Variants in SRBD1 observed in about 807,000 individuals in gnomAD.
SRBD1 encodes the protein S1 RNA-binding domain-containing protein 1.
A neutral mutation model predicts 115.3 loss-of-function variants in SRBD1; 88 were observed. That is an observed-to-expected ratio of 0.76 (90% confidence interval 0.64 to 0.91). The LOEUF is 0.91. SRBD1 is among the 40% of genes least tolerant of loss of function. The pLI is 0.00. For missense variants in SRBD1, 1,385 were observed against 1,177.4 expected (o/e 1.18, Z -2.58); for synonymous variants, 509 against 407.7 (o/e 1.25, Z -2.99).
At chr2:45,422,988 A>C (rs892707413) in intron 16 of SRBD1, among the ~76,000 whole-genome samples, 1 of 152,210 alleles carries the variant, frequency 6.6e-6, no homozygotes, top group Non-Finnish European at 1.5e-5. Context: ...AATTGAGAGA[A>C]AATGTTGACT....
chr2:45,502,658 A>T (rs1202463936), intron 14 of SRBD1, among the ~76,000 whole-genome samples: 1 of 151,196 alleles, frequency 6.6e-6, no homozygotes, highest in African/African-American at 2.4e-5. Flanking sequence ...GGGAAGGAGA[A>T]CATCACACAC....
chr2:45,461,166 G>T (rs1382505493), intron 16 of SRBD1, among the ~76,000 whole-genome samples: 1 of 152,208 alleles, frequency 6.6e-6, no homozygotes, highest in Non-Finnish European at 1.5e-5. Flanking sequence ...TAAATGTAGG[G>T]ATCTGAAGAG....
intron 16 of SRBD1, among the ~76,000 whole-genome samples, chr2:45,461,664 C>CA (rs1669322254): frequency 6.6e-6 from 1 of 152,124 alleles, no homozygotes; most frequent in South Asian, 2.1e-4. Context: ...AACTGCCCCC[C>CA]CCAACTTTTA....
chr2:45,587,036 A>AT (rs1558496930), intron 4 of SRBD1, among the ~76,000 whole-genome samples: 1 of 77,194 alleles, frequency 1.3e-5, no homozygotes, highest in Non-Finnish European at 2.6e-5. Context: ...AATATTTAAA[A>AT]ATTTTTAAAT....
chr2:45,462,161 C>A (rs1252382203), intron 16 of SRBD1, among the ~76,000 whole-genome samples: 5 of 152,184 alleles, frequency 3.3e-5, no homozygotes, highest in Non-Finnish European at 1.5e-5. Flanking sequence ...TTTCACTGCA[C>A]TCGCAGCGAA....
chr2:45,493,182 G>T (rs987387444), intron 14 of SRBD1, among the ~76,000 whole-genome samples: 1 of 152,284 alleles, frequency 6.6e-6, no homozygotes, highest in Admixed American at 6.5e-5. Context: ...CTTCCAACTT[G>T]TCAGACTGAG....
At chr2:45,593,634 T>A (rs1344751973) in intron 4 of SRBD1, among the ~76,000 whole-genome samples, 1 of 152,202 alleles carries the variant, frequency 6.6e-6, no homozygotes, top group African/African-American at 2.4e-5. Context: ...CATCTGCATT[T>A]TAAAAGAACA....
chr2:45,467,851 T>C (rs1003184918), intron 16 of SRBD1, among the ~76,000 whole-genome samples: 1 of 152,148 alleles, frequency 6.6e-6, no homozygotes, highest in African/African-American at 2.4e-5. Flanking sequence ...CTCATCAATA[T>C]ATAGGGAAGA....
At chr2:45,603,027 A>G (rs1674148501) in intron 2 of SRBD1, among the ~76,000 whole-genome samples, 1 of 152,198 alleles carries the variant, frequency 6.6e-6, no homozygotes, top group Non-Finnish European at 1.5e-5. Flanking sequence ...ATAACATAAC[A>G]GCAGTGGAAC....
chr2:45,402,971 T>C (rs1292674420), intron 19 of SRBD1, among the ~76,000 whole-genome samples: 1 of 152,148 alleles, frequency 6.6e-6, no homozygotes, highest in Non-Finnish European at 1.5e-5. Context: ...TGGGTCTCAT[T>C]CTACTAATAT....
At chr2:45,416,975 C>T (rs889672737) in intron 18 of SRBD1, among the ~76,000 whole-genome samples, 2 of 152,186 alleles carry the variant, frequency 1.3e-5, no homozygotes, top group African/African-American at 4.8e-5. Flanking sequence ...GACGGGGTTT[C>T]ACCATGTTAG....
In SRBD1 at chr2:45,599,929, T is replaced by C. The variant is rs1674040055; in HGVS notation, c.262-94A>G. 7 of 1,329,924 alleles carry C rather than the reference T, an allele frequency of 5.3e-6. No individual in the cohort carries two copies. In the East Asian group the frequency reaches 1.5e-4, roughly 28 times the overall value. The allele number at this position is 1,329,924 out of a possible 1,614,324, so 82.4% of individuals were successfully genotyped here. On this transcript the variant is annotated intron_variant, in intron 3 of 20. Transcript: ENST00000263736. ...CAAATAAAAGTGAACAAATTATTGA[T>C]ACACACAATAACTTGGAAGAATCTC...
At chr2:45,434,536 A>G (rs1219311293) in intron 16 of SRBD1, among the ~76,000 whole-genome samples, 3 of 152,164 alleles carry the variant, frequency 2.0e-5, no homozygotes, top group Admixed American at 2.0e-4. Flanking sequence ...ACCTCTAAAA[A>G]CAGATAATAA....
intron 16 of SRBD1, among the ~76,000 whole-genome samples, chr2:45,427,321 A>G (rs553719422): frequency 6.6e-6 from 1 of 152,310 alleles, no homozygotes; most frequent in Non-Finnish European, 1.5e-5. Context: ...CAAATAAAAG[A>G]CACAGACTGG....
chr2:45,464,142 T>C (rs935172351), intron 16 of SRBD1, among the ~76,000 whole-genome samples: 24 of 151,886 alleles, frequency 1.6e-4, no homozygotes, highest in African/African-American at 5.6e-4. Flanking sequence ...TGGAGATGTA[T>C]GCTAAATTAA....
intron 16 of SRBD1, among the ~76,000 whole-genome samples, chr2:45,472,576 T>G (rs1483592894): frequency 6.6e-6 from 1 of 152,180 alleles, no homozygotes; most frequent in Non-Finnish European, 1.5e-5. Context: ...CTTAAACTCC[T>G]GGGCTCAAAT....
intron 16 of SRBD1, among the ~76,000 whole-genome samples, chr2:45,434,927 C>G (rs1035661486): frequency 6.6e-6 from 1 of 152,046 alleles, no homozygotes; most frequent in African/African-American, 2.4e-5. Context: ...CCGCTCCCCC[C>G]ACCCCACGAC....
intron 16 of SRBD1, among the ~76,000 whole-genome samples, chr2:45,458,212 A>G (rs1669210431): frequency 6.6e-6 from 1 of 152,088 alleles, no homozygotes; most frequent in African/African-American, 2.4e-5. Context: ...CAATGTCAAA[A>G]GATTAATTGA....
Position 45,419,880 on chromosome 2 carries a change from C to A in SRBD1, c.2064G>T (p.Gln688His). ...GVGMYQHDVS[Q>H]TLLKATLDSV... Reference sequence around the variant, plus strand: ...TGTCCAGTGTTGCCTTGAGTAAAGTCTGGGATACGTCATGCTGAAAAGACA... The same window carrying A: ...TGTCCAGTGTTGCCTTGAGTAAAGTATGGGATACGTCATGCTGAAAAGACA... Residue 688 changes from glutamine to histidine, a missense_variant, in exon 17 of 21, where the codon CAG (glutamine) becomes CAT (histidine). Physicochemically the swap from Gln to His is conservative, Grantham distance 24 (BLOSUM62 0). Transcript: ENST00000263736. 1.2e-6 allele frequency: 2 copies of A among 1,613,254 alleles called. No homozygotes were observed. Among genetic ancestry groups the A allele is most frequent in the Non-Finnish European group, 8.5e-7 (1 of 1,179,748 alleles).
Sources: allele counts gnomAD v4.1 joint callset (sites outside exome capture counted in the v4.1 genomes callset), GRCh38; gene constraint gnomAD v4.1.1; transcripts MANE v1.5; gene names NCBI Gene and HGNC (gene_info 2026-07-23, HGNC 2026-07-21).